The following NELL1 variants were observed in gnomAD, a reference collection of about 807,000 sequenced individuals.
NELL1 encodes neural EGFL like 1.
A neutral mutation model predicts 107.4 loss-of-function variants in NELL1; 76 were observed. The ratio of observed to expected loss-of-function variants is 0.71; its 90% CI spans 0.59 to 0.86. The LOEUF is 0.86. Among genes scored for constraint, NELL1 ranks in the 40% least tolerant of loss-of-function variants. The pLI, the probability that NELL1 is intolerant of heterozygous loss-of-function variation, is 0.00. For synonymous variants in NELL1, 353 were observed against 341.2 expected (o/e 1.03, Z -0.38); for missense variants, 1,024 against 1,005.5 (o/e 1.02, Z -0.25).
At chr11:20,913,411 G>A (rs990487077) in intron 5 of NELL1, among the ~76,000 whole-genome samples, 2 of 152,144 alleles carry the variant, frequency 1.3e-5, no homozygotes, top group Non-Finnish European at 2.9e-5. Context: ...AGCTCTGCAT[G>A]TTTAGAAGAG....
chr11:21,279,050 G>A (rs532414039), intron 14 of NELL1, among the ~76,000 whole-genome samples: 1 of 152,246 alleles, frequency 6.6e-6, no homozygotes, highest in Non-Finnish European at 1.5e-5. Context: ...TCAGCAAATG[G>A]TGCTAGAAAA....
chr11:20,769,755 C>T (rs1441837846), intron 2 of NELL1, among the ~76,000 whole-genome samples: 1 of 152,070 alleles, frequency 6.6e-6, no homozygotes, highest in African/African-American at 2.4e-5. Context: ...GAGATGTTGT[C>T]CCCACGGAGC....
chr11:21,460,009 T>C (rs1853859162), intron 15 of NELL1, among the ~76,000 whole-genome samples: 1 of 152,048 alleles, frequency 6.6e-6, no homozygotes, highest in South Asian at 2.1e-4. Flanking sequence ...TGCCCACTTA[T>C]CTAACCTCAT....
Position 21,386,502 on chromosome 11 carries a change from T to G in NELL1, c.1645+15554T>G, listed in dbSNP as rs77259588. Among the ~76,000 whole-genome samples, 474 of 152,044 alleles carry G rather than the reference T, an allele frequency of 3.1e-3. 2 individuals are homozygous for G. The highest frequency in any genetic ancestry group is 0.011 in the African/African-American group (452 of 41,548). On this transcript the variant is annotated intron_variant, in intron 15 of 19. Transcript: ENST00000357134. ...CTTTCATAGAACATTCCTGATCAGA[T>G]AAGCATGGCCAGATATAGTATTTTC...
intron 4 of NELL1, among the ~76,000 whole-genome samples, chr11:20,875,196 T>C (rs887428942): frequency 3.9e-5 from 6 of 152,230 alleles, no homozygotes; most frequent in Non-Finnish European, 5.9e-5. Context: ...ATTTTTTTAA[T>C]ATGTATTTCT....
At chr11:21,243,945 AT>A (rs200418474) in intron 14 of NELL1, among the ~76,000 whole-genome samples, 2 of 152,026 alleles carry the variant, frequency 1.3e-5, no homozygotes, top group African/African-American at 4.8e-5. Flanking sequence ...ACTTTCCATT[AT>A]TTTTTTTGTT....
intron 13 of NELL1, among the ~76,000 whole-genome samples, chr11:21,117,152 G>C (rs1007369996): frequency 2.0e-5 from 3 of 151,786 alleles, no homozygotes; most frequent in Non-Finnish European, 4.4e-5. Context: ...TGTGTATTGA[G>C]CTCTCTTCTC....
intron 4 of NELL1, among the ~76,000 whole-genome samples, chr11:20,880,957 C>A (rs1380595831): frequency 6.6e-6 from 1 of 152,070 alleles, no homozygotes; most frequent in Non-Finnish European, 1.5e-5. Context: ...GAGGGGCAGG[C>A]TTAGAAGTGG....
intron 3 of NELL1, 115 bp from the exon 4 acceptor site, chr11:20,847,468 C>A: frequency 1.8e-6 from 2 of 1,083,024 alleles, no homozygotes; most frequent in Non-Finnish European, 2.6e-6. Context: ...GCTCTTTGTG[C>A]CATGTTTAGC....
At chr11:21,097,273 A>T (rs751967668) in intron 12 of NELL1, among the ~76,000 whole-genome samples, 22 of 152,194 alleles carry the variant, frequency 1.4e-4, no homozygotes, top group Non-Finnish European at 2.2e-4. Context: ...ATGCTCCAGG[A>T]ATAAATGCTT....
At chr11:21,095,406 G>A (rs540081659) in intron 12 of NELL1, among the ~76,000 whole-genome samples, 151 of 152,136 alleles carry the variant, frequency 9.9e-4, no homozygotes, top group Admixed American at 1.7e-3. Flanking sequence ...TTCCAAAGTC[G>A]CTTCCACATT....
chr11:20,764,348 C>A (rs907122013), intron 2 of NELL1, among the ~76,000 whole-genome samples: 1 of 152,170 alleles, frequency 6.6e-6, no homozygotes, highest in East Asian at 1.9e-4. Flanking sequence ...TAGGGTATGT[C>A]AAATGATGGT....
intron 13 of NELL1, among the ~76,000 whole-genome samples, chr11:21,222,070 T>A (rs996382982): frequency 3.7e-4 from 56 of 152,162 alleles, no homozygotes; most frequent in Admixed American, 3.7e-3. Context: ...TTTATTTACC[T>A]AGGTCTTTTC....
chr11:20,859,931 C>G (rs1239478767), intron 4 of NELL1, among the ~76,000 whole-genome samples: 1 of 152,212 alleles, frequency 6.6e-6, no homozygotes, highest in Non-Finnish European at 1.5e-5. Flanking sequence ...CACTCCAACA[C>G]ACAATTACGC....
intron 3 of NELL1, among the ~76,000 whole-genome samples, chr11:20,825,793 A>G (rs772079844): frequency 6.6e-6 from 1 of 151,226 alleles, no homozygotes; most frequent in Non-Finnish European, 1.5e-5. Flanking sequence ...ACTGTTGGGA[A>G]GGCATATTTG....
chr11:21,416,839 C>T (rs548904806), intron 15 of NELL1, among the ~76,000 whole-genome samples: 1 of 152,082 alleles, frequency 6.6e-6, no homozygotes, highest in Non-Finnish European at 1.5e-5. Flanking sequence ...CCTTTGTTTT[C>T]CTTCAATATT....
chr11:21,479,156 C>G (rs1854425798), intron 15 of NELL1, among the ~76,000 whole-genome samples: 1 of 152,032 alleles, frequency 6.6e-6, no homozygotes. Context: ...AAAAATTGAG[C>G]TACCATATTG....
At chr11:20,945,353 A>G (rs1284557058) in intron 10 of NELL1, among the ~76,000 whole-genome samples, 1 of 152,246 alleles carries the variant, frequency 6.6e-6, no homozygotes, top group Non-Finnish European at 1.5e-5. Flanking sequence ...ATCCCATACC[A>G]TTCATTCACT....
intron 14 of NELL1, among the ~76,000 whole-genome samples, chr11:21,339,953 T>C (rs1850523555): frequency 6.6e-6 from 1 of 152,136 alleles, no homozygotes. Flanking sequence ...TTTAAGGGAA[T>C]ACAGGAGTCA....
Sources: gnomAD v4.1 joint callset for allele counts (sites outside exome capture counted in the v4.1 genomes callset) on GRCh38, gnomAD v4.1.1 for gene constraint, MANE v1.5 for transcripts, NCBI Gene and HGNC (gene_info 2026-07-23, HGNC 2026-07-21) for gene names.